GLIS3: variants seen among roughly 807,000 people sequenced by gnomAD.
The protein encoded by GLIS3 is GLIS family zinc finger 3.
In GLIS3, 53 loss-of-function variants were observed where a neutral mutation model predicts 78.6. The ratio of observed to expected loss-of-function variants is 0.67; its 90% confidence interval spans 0.54 to 0.85. The LOEUF (loss-of-function observed/expected upper bound fraction) is 0.85, where lower values mean the gene tolerates loss of function less well. GLIS3 is among the 40% of genes least tolerant of loss of function. GLIS3 has a pLI of 0.00. For missense variants in GLIS3, 1,703 were observed against 1,231.1 expected (o/e 1.38, Z -5.74); for synonymous variants, 684 against 509.9 (o/e 1.34, Z -4.60).
At chr9:4,332,326 A>G (rs1817698681) in intron 2 of GLIS3, among the ~76,000 whole-genome samples, 1 of 152,166 alleles carries the variant, frequency 6.6e-6, no homozygotes, top group Admixed American at 6.5e-5. Context: ...ACTGGCCCTC[A>G]TTACCCACTA....
At chr9:4,176,890 T>C (rs1200557235) in intron 2 of GLIS3, among the ~76,000 whole-genome samples, 3 of 152,230 alleles carry the variant, frequency 2.0e-5, no homozygotes, top group Admixed American at 2.0e-4. Flanking sequence ...TCCCAAAGTG[T>C]TGGGATTACA....
At chr9:4,051,713 T>A (rs1825759123) in intron 4 of GLIS3, among the ~76,000 whole-genome samples, 1 of 152,232 alleles carries the variant, frequency 6.6e-6, no homozygotes, top group Admixed American at 6.5e-5. Flanking sequence ...TCTTCAGATG[T>A]CATCAAACAC....
At chr9:3,870,615 G>A (rs550609707) in intron 8 of GLIS3, among the ~76,000 whole-genome samples, 31 of 152,304 alleles carry the variant, frequency 2.0e-4, no homozygotes, top group South Asian at 1.0e-3. Flanking sequence ...GGACGCAAAA[G>A]CAGAACCCCC....
intron 2 of GLIS3, among the ~76,000 whole-genome samples, chr9:4,188,583 C>T (rs1818025649): frequency 6.6e-6 from 1 of 152,116 alleles, no homozygotes; most frequent in African/African-American, 2.4e-5. Context: ...ACCACTTCCT[C>T]CTTGTACCTC....
the GLIS3 span, among the ~76,000 whole-genome samples, chr9:4,429,911 G>C: frequency 1.3e-5 from 2 of 151,986 alleles, no homozygotes; most frequent in South Asian, 2.1e-4. Context: ...TTTTGTTTTA[G>C]GCATTTTATA....
At chr9:3,847,968 T>G (rs1278862612) in intron 9 of GLIS3, among the ~76,000 whole-genome samples, 1 of 152,232 alleles carries the variant, frequency 6.6e-6, no homozygotes, top group African/African-American at 2.4e-5. Flanking sequence ...TAACATGAAG[T>G]TCACTCATCG....
chr9:4,149,284 C>T (rs1206315780), intron 2 of GLIS3, among the ~76,000 whole-genome samples: 1 of 152,202 alleles, frequency 6.6e-6, no homozygotes, highest in Admixed American at 6.5e-5. Context: ...TTGATTATTA[C>T]CATCCCATTT....
the GLIS3 span, among the ~76,000 whole-genome samples, chr9:4,453,345 C>CAAAAAAAAAAAAAAA: frequency 1.1e-5 from 1 of 91,670 alleles, no homozygotes; most frequent in East Asian, 3.7e-4. Flanking sequence ...TTCTGCACAG[C>CAAAAAAAAAAAAAAA]AAAAAAAAAA....
intron 2 of GLIS3, among the ~76,000 whole-genome samples, chr9:4,321,918 G>A (rs1157130077): frequency 6.6e-6 from 1 of 152,014 alleles, no homozygotes; most frequent in African/African-American, 2.4e-5. Context: ...TGGGGTACAC[G>A]TGCATAACCT....
chr9:4,429,641 C>T, the GLIS3 span, among the ~76,000 whole-genome samples: 2 of 152,128 alleles, frequency 1.3e-5, no homozygotes, highest in East Asian at 3.9e-4. Flanking sequence ...TTGATTAGTT[C>T]TGCGTCCCCC....
At chr9:4,388,479 G>C in the GLIS3 span, among the ~76,000 whole-genome samples, 2 of 151,914 alleles carry the variant, frequency 1.3e-5, no homozygotes, top group African/African-American at 4.8e-5. Context: ...GAGTTCGAGA[G>C]CATCCTGACC....
At chr9:4,362,151 G>C in the GLIS3 span, among the ~76,000 whole-genome samples, 2 of 152,318 alleles carry the variant, frequency 1.3e-5, no homozygotes, top group Middle Eastern at 3.4e-3. Context: ...ACAAAACCCA[G>C]GACTGGCCAT....
intron 6 of GLIS3, 95 bp from the exon 7 acceptor site, chr9:3,898,930 C>T (rs1387437925): frequency 6.5e-7 from 1 of 1,549,416 alleles, no homozygotes. Flanking sequence ...GCAACTCAGC[C>T]CACAAAAATT....
At chr9:3,912,348 C>G (rs982729429) in intron 6 of GLIS3, among the ~76,000 whole-genome samples, 1 of 152,154 alleles carries the variant, frequency 6.6e-6, no homozygotes, top group African/African-American at 2.4e-5. Context: ...GCATAGCGCC[C>G]TGGAATTATT....
intron 4 of GLIS3, among the ~76,000 whole-genome samples, chr9:4,010,150 C>A (rs1217513791): frequency 6.6e-6 from 1 of 151,966 alleles, no homozygotes; most frequent in African/African-American, 2.4e-5. Context: ...GCAGGGGTAA[C>A]AAGATAGATA....
At chr9:3,971,181 G>A (rs1028160391) in intron 4 of GLIS3, among the ~76,000 whole-genome samples, 24 of 151,846 alleles carry the variant, frequency 1.6e-4, no homozygotes, top group Non-Finnish European at 2.8e-4. Context: ...TGGAGCAATG[G>A]CAAGATAGCC....
chr9:4,145,422 T>C (rs1449277949), intron 2 of GLIS3, among the ~76,000 whole-genome samples: 1 of 150,206 alleles, frequency 6.7e-6, no homozygotes, highest in Non-Finnish European at 1.5e-5. Context: ...TTGCCAAGGC[T>C]AGTACCTTTT....
chr9:4,049,534 G>A (rs375476356), intron 4 of GLIS3, among the ~76,000 whole-genome samples: 4 of 152,120 alleles, frequency 2.6e-5, no homozygotes, highest in East Asian at 1.9e-4. Context: ...TGAGCTATTC[G>A]TAGTCTGATT....
chr9:3,844,784 T>C (rs1818935055), intron 9 of GLIS3, among the ~76,000 whole-genome samples: 1 of 152,220 alleles, frequency 6.6e-6, no homozygotes, highest in Non-Finnish European at 1.5e-5. Flanking sequence ...CTATTAATAC[T>C]GTCTTTAAGT....
Sources: allele counts gnomAD v4.1 joint callset (sites outside exome capture counted in the v4.1 genomes callset), GRCh38; gene constraint gnomAD v4.1.1; transcripts MANE v1.5; gene names NCBI Gene and HGNC (gene_info 2026-07-23, HGNC 2026-07-21).